The following TRPC5 variants were observed in gnomAD, a reference collection of about 807,000 sequenced individuals.
TRPC5 encodes the protein transient receptor potential cation channel subfamily C member 5, also known as short transient receptor potential channel 5.
A neutral mutation model predicts 56.5 loss-of-function variants in TRPC5; 9 were observed. The observed-to-expected ratio is 0.16, with a 90% CI of 0.10 to 0.28. The LOEUF (loss-of-function observed/expected upper bound fraction) is 0.28, where lower values mean the gene tolerates loss of function less well. TRPC5 is among the 10% of genes least tolerant of loss of function. The pLI is 1.00. For synonymous variants in TRPC5, 282 were observed against 278.5 expected, an observed-to-expected ratio of 1.01 and a Z score of -0.13; for missense variants, 469 against 748.9, an observed-to-expected ratio of 0.63 and a Z score of 4.36.
In TRPC5 at chrX:111,945,214, G is replaced by A. The variant is rs1429215091; in HGVS notation, c.378+6829C>T. Among the ~76,000 whole-genome samples the A allele has an allele frequency of 2.8e-5, 3 of 108,870 alleles. No homozygotes were observed. The Admixed American group carries it at 3.0e-4, about 11-fold the overall frequency. 94.5% of individuals were successfully genotyped at this position (108,870 alleles called of 115,157 possible). A position where few individuals can be genotyped will look rare whatever the true frequency, so the allele number is the denominator to read the frequency against. ...GTTGGATTTGCTCTCCCTGATAACA[G>A]TACTCCTCTAGTGGTTTCTACAGTC... On this transcript the variant is annotated intron_variant, in intron 2 of 10. Transcript: ENST00000262839.
intron 3 of TRPC5, among the ~76,000 whole-genome samples, chrX:111,873,976 C>A (rs746772299): frequency 2.7e-5 from 3 of 111,737 alleles, no homozygotes; most frequent in Non-Finnish European, 5.6e-5. Flanking sequence ...CACACTCCTA[C>A]ACCTTTCTTG....
At chrX:111,836,600 A>G (rs1226538265) in intron 6 of TRPC5, among the ~76,000 whole-genome samples, 1 of 110,911 alleles carries the variant, frequency 9.0e-6, no homozygotes, top group Admixed American at 9.6e-5. Context: ...TCTCTATCCT[A>G]TTGTCTTGTT....
Position 111,781,947 on chromosome X carries a change from C to T in TRPC5, c.2088G>A (p.Leu696=), listed in dbSNP as rs1603024973. 4.2e-6 allele frequency: 5 copies of T among 1,185,994 alleles called. No individual in the cohort carries two copies. The East Asian group carries it at 1.2e-4, about 28-fold the overall frequency. ...TTAAAAGTCTTACTGTGAAACTTCT[C>T]AAGTTGCGCCTTCTCCGTCTACCGT... is the stretch of plus-strand genomic sequence containing the variant. The part of the protein sequence containing the change: ...DPDGRRRRRN[L]RSFTERNADS... Residue 696 remains leucine, a synonymous_variant, in exon 8 of 11, where the codon TTG becomes TTA. Transcript: ENST00000262839.
At chrX:111,908,145 C>T (rs1171803767) in intron 3 of TRPC5, among the ~76,000 whole-genome samples, 2 of 111,534 alleles carry the variant, frequency 1.8e-5, no homozygotes, top group African/African-American at 3.3e-5. Flanking sequence ...TCAATGAAAC[C>T]ACATATTTTT....
chrX:111,821,377 T>C (rs3027746), intron 7 of TRPC5, among the ~76,000 whole-genome samples: 2,099 of 111,851 alleles, frequency 0.019, 21 homozygotes, highest in Non-Finnish European at 0.026. Flanking sequence ...GATTTTTTTC[T>C]ATTTCCTCTT....
chrX:112,005,916 C>T (rs903120774), intron 1 of TRPC5, among the ~76,000 whole-genome samples: 17 of 111,598 alleles, frequency 1.5e-4, no homozygotes, highest in African/African-American at 5.2e-4. Flanking sequence ...CTATGTATCC[C>T]CCAAGGCCGA....
chrX:111,843,785 C>T (rs1353538575), intron 6 of TRPC5, among the ~76,000 whole-genome samples: 2 of 109,114 alleles, frequency 1.8e-5, no homozygotes, highest in East Asian at 5.8e-4. Flanking sequence ...GGAGAGAAGA[C>T]CAGATTGGAG....
At chrX:111,919,623 G>C (rs964519218) in intron 2 of TRPC5, among the ~76,000 whole-genome samples, 2 of 111,930 alleles carry the variant, frequency 1.8e-5, no homozygotes, top group African/African-American at 6.5e-5. Context: ...CTATACAATG[G>C]GAAAATGACA....
intron 2 of TRPC5, among the ~76,000 whole-genome samples, chrX:111,945,348 C>T (rs185186011): frequency 5.8e-4 from 63 of 109,026 alleles, no homozygotes; most frequent in African/African-American, 2.0e-3. Context: ...ATTTACCCAA[C>T]AAAAATCACA....
chrX:112,037,246 G>C (rs1293917080), intron 1 of TRPC5, among the ~76,000 whole-genome samples: 5 of 110,900 alleles, frequency 4.5e-5, no homozygotes, highest in Non-Finnish European at 9.4e-5. Flanking sequence ...GGTTTACCTG[G>C]TGGATCTTCT....
chrX:111,894,069 G>A (rs1208304588), intron 3 of TRPC5, among the ~76,000 whole-genome samples: 3 of 111,266 alleles, frequency 2.7e-5, no homozygotes, highest in Non-Finnish European at 5.7e-5. Flanking sequence ...CACCGGAGAA[G>A]GGAACACTAT....
intron 7 of TRPC5, 130 bp from the exon 8 acceptor site, chrX:111,782,268 A>G (rs1020913963): frequency 5.0e-5 from 24 of 483,605 alleles, no homozygotes; most frequent in Admixed American, 9.2e-5. Flanking sequence ...CAAATTATAC[A>G]TACCCTGTCA....
At chrX:111,905,956 A>G (rs1925604063) in intron 3 of TRPC5, among the ~76,000 whole-genome samples, 1 of 109,049 alleles carries the variant, frequency 9.2e-6, no homozygotes, top group Admixed American at 9.8e-5. Flanking sequence ...TACTGAAGGC[A>G]TCTCAAAGAT....
intron 1 of TRPC5, among the ~76,000 whole-genome samples, chrX:112,048,915 C>T (rs1209753685): frequency 2.7e-5 from 3 of 112,170 alleles, no homozygotes; most frequent in Non-Finnish European, 3.8e-5. Flanking sequence ...GCCTCTCCAA[C>T]AGCAGAATGC....
intron 1 of TRPC5, among the ~76,000 whole-genome samples, chrX:111,955,572 A>G (rs1927211410): frequency 8.9e-6 from 1 of 111,872 alleles, no homozygotes; most frequent in Non-Finnish European, 1.9e-5. Flanking sequence ...GTCTGTTGAC[A>G]TGCAGACTCA....
At chrX:111,787,582 CA>C (rs371397409) in intron 7 of TRPC5, among the ~76,000 whole-genome samples, 17,664 of 64,463 alleles carry the variant, frequency 0.27, 3,920 homozygotes, top group African/African-American at 0.67. Flanking sequence ...GTGATAGAGA[CA>C]AAAAAAAAAA....
chrX:111,891,361 C>A (rs183383212), intron 3 of TRPC5, among the ~76,000 whole-genome samples: 1 of 111,317 alleles, frequency 9.0e-6, no homozygotes, highest in African/African-American at 3.3e-5. Context: ...TTTTTCTCTG[C>A]AACCTCACTA....
intron 1 of TRPC5, among the ~76,000 whole-genome samples, chrX:111,956,853 C>G (rs1362575258): frequency 3.6e-5 from 4 of 111,702 alleles, no homozygotes; most frequent in Non-Finnish European, 7.5e-5. Flanking sequence ...AGATGGAAAA[C>G]TCACCACTTC....
intron 1 of TRPC5, among the ~76,000 whole-genome samples, chrX:112,004,129 A>G (rs116637707): frequency 0.094 from 10,483 of 111,901 alleles, 769 homozygotes; most frequent in African/African-American, 0.26. Flanking sequence ...AGTGCTATGC[A>G]GCAGAGAAGT....
Sources: allele counts gnomAD v4.1 joint callset (sites outside exome capture counted in the v4.1 genomes callset), GRCh38; gene constraint gnomAD v4.1.1; transcripts MANE v1.5; gene names NCBI Gene and HGNC (gene_info 2026-07-23, HGNC 2026-07-21).